The following SCARB1 variants were observed in gnomAD, a reference collection of about 807,000 sequenced individuals.
The protein encoded by SCARB1 is CD36 and LIMPII analogous 1.
Under a neutral mutation model 57.2 loss-of-function variants are expected in SCARB1, and 30 were observed. The ratio of observed to expected loss-of-function variants is 0.52; its 90% CI spans 0.39 to 0.71. The LOEUF is 0.71. Ranked by LOEUF, SCARB1 falls within the 30% of genes least tolerant of loss-of-function variation. SCARB1 has a pLI of 0.00. For synonymous variants in SCARB1, 249 were observed against 268.3 expected, an observed-to-expected ratio of 0.93 and a Z score of 0.70; for missense variants, 543 against 671.2, an observed-to-expected ratio of 0.81 and a Z score of 2.11.
intron 1 of SCARB1, among the ~76,000 whole-genome samples, chr12:124,827,182 T>C (rs1951194109): frequency 6.6e-6 from 1 of 152,104 alleles, no homozygotes; most frequent in South Asian, 2.1e-4. Flanking sequence ...GCCGGGAGCA[T>C]CGGCAGACTC....
chr12:124,844,572 C>A (rs1952060980), intron 1 of SCARB1, among the ~76,000 whole-genome samples: 1 of 151,922 alleles, frequency 6.6e-6, no homozygotes, highest in African/African-American at 2.4e-5. Context: ...TAAATGAGGT[C>A]AGTGGGGTGA....
chr12:124,849,028 A>G lies in SCARB1; in HGVS notation c.126+14567T>C, dbSNP rs188618193. Among the ~76,000 whole-genome samples, 14 of 152,360 alleles carry G rather than the reference A, an allele frequency of 9.2e-5. No individual in the cohort carries two copies. The East Asian group carries it at 2.1e-3, about 23-fold the overall frequency. On this transcript the variant is annotated intron_variant, in intron 1 of 12. Coordinates refer to ENST00000261693, the MANE Select transcript of SCARB1 (RefSeq NM_005505.5). ...TTCTGCCACCTTAAAAGCCCTATGTAGGAGACACTTTTATTAACTTCATTT... is the reference window on the plus strand; with the variant it reads ...TTCTGCCACCTTAAAAGCCCTATGTGGGAGACACTTTTATTAACTTCATTT...
chr12:124,826,815 G>A (rs990115294), intron 1 of SCARB1, among the ~76,000 whole-genome samples: 8 of 152,030 alleles, frequency 5.3e-5, no homozygotes, highest in Non-Finnish European at 8.8e-5. Flanking sequence ...GCTAAAGAAA[G>A]AAACAATTGA....
chr12:124,821,256 ACACG>A (rs1017386069), intron 1 of SCARB1: 7 of 278,888 alleles, frequency 2.5e-5, no homozygotes, highest in Non-Finnish European at 3.7e-5. Context: ...ACACACACAC[ACACG>A]CACACACACG....
intron 1 of SCARB1, among the ~76,000 whole-genome samples, chr12:124,857,918 C>G (rs1223814993): frequency 6.6e-6 from 1 of 152,198 alleles, no homozygotes; most frequent in Non-Finnish European, 1.5e-5. Context: ...ATGACCCCTT[C>G]CCTGCAGCCC....
intron 1 of SCARB1, among the ~76,000 whole-genome samples, chr12:124,818,063 A>G (rs997011993): frequency 1.7e-4 from 26 of 152,190 alleles, no homozygotes; most frequent in African/African-American, 6.0e-4. Context: ...ATGCAGGAAC[A>G]TGGGCTCCGT....
At position 124,800,058 on chromosome 12, in the gene SCARB1, A is replaced by G. The variant is rs561817741; in HGVS notation, c.1128+66T>C. On this transcript the variant is annotated intron_variant, in intron 8 of 12. Transcript: ENST00000261693. This position sits in a 1 kb window ranked among gnomAD's most constrained non-coding sequence, Gnocchi z 4.8. Reference sequence around the variant, plus strand: ...ACAGCAGCTCTCTGCCTGGGGAGAGAGGAGGCAGCCAGGTGTGCTCCAACC... The same window carrying G: ...ACAGCAGCTCTCTGCCTGGGGAGAGGGGAGGCAGCCAGGTGTGCTCCAACC... 8.3e-6 allele frequency: 10 copies of G among 1,199,704 alleles called. No homozygotes were observed. The African/African-American group carries it at 1.1e-4, about 13-fold the overall frequency. The allele number at this position is 1,199,704 out of a possible 1,614,324, so 74.3% of individuals were successfully genotyped here. A position where few individuals can be genotyped will look rare whatever the true frequency, so the allele number is the denominator to read the frequency against.
intron 1 of SCARB1, among the ~76,000 whole-genome samples, chr12:124,826,280 G>A (rs961727152): frequency 1.0e-4 from 15 of 147,268 alleles, no homozygotes; most frequent in African/African-American, 3.0e-4. Context: ...GCAGTGAACC[G>A]TGATCACCCC....
At chr12:124,809,096 G>A (rs1335041587) in intron 6 of SCARB1, among the ~76,000 whole-genome samples, 1 of 151,896 alleles carries the variant, frequency 6.6e-6, no homozygotes, top group African/African-American at 2.4e-5. Context: ...AAATGTCCTC[G>A]TTTCTGAAAA....
chr12:124,801,737 T>C (rs1415559466), intron 7 of SCARB1, among the ~76,000 whole-genome samples: 2 of 150,824 alleles, frequency 1.3e-5, no homozygotes, highest in Admixed American at 1.3e-4. Context: ...TGCAGGGAGC[T>C]GAAATCGCAT....
Position 124,786,479 on chromosome 12 carries a change from G to T in SCARB1, c.1279C>A (p.Leu427Ile). 2 of 1,614,076 alleles carry T rather than the reference G, an allele frequency of 1.2e-6. No individual in the cohort carries two copies. The highest frequency in any genetic ancestry group is 1.1e-5 in the South Asian group (1 of 91,084). Residue 427 changes from leucine (L) to isoleucine (I), a missense_variant, in exon 11 of 13, where the codon CTT becomes ATT. Transcript: ENST00000261693. ...AESGAMEGET[L>I]HTFYTQLVLM... ...ACCAGCTGAGTGTAGAATGTGTGAAGAGTCTCCCCCTCCATGGCCCCGCTC... is the reference window on the plus strand; with the variant it reads ...ACCAGCTGAGTGTAGAATGTGTGAATAGTCTCCCCCTCCATGGCCCCGCTC...
intron 11 of SCARB1, 61 bp from the exon 12 acceptor site, chr12:124,782,872 C>T (rs1297049135): frequency 3.1e-5 from 49 of 1,583,786 alleles, no homozygotes; most frequent in East Asian, 4.5e-5. Context: ...TGGTTTTACA[C>T]GGTTCTTCAA....
chr12:124,825,663 C>T (rs958473075), intron 1 of SCARB1, among the ~76,000 whole-genome samples: 2 of 152,094 alleles, frequency 1.3e-5, no homozygotes, highest in Admixed American at 6.5e-5. Context: ...AGAGCGAGAC[C>T]CTGCCTTGAA....
chr12:124,863,541 A>G, intron 1 of SCARB1, 54 bp downstream of exon 1: 1 of 1,571,260 alleles, frequency 6.4e-7, no homozygotes, highest in South Asian at 1.2e-5. Flanking sequence ...CCCGGCGCCC[A>G]GCGCCCAACA....
rs1313852803 is a variant in SCARB1 at position 124,800,226 on chromosome 12, G to A, written c.1026C>T (p.Leu342=). The change falls in exon 8 of 13, where the codon CTC becomes CTT. Residue 342 remains leucine (L), a synonymous_variant. Coordinates refer to ENST00000261693, the MANE Select transcript of SCARB1 (RefSeq NM_005505.5). The surrounding 1 kb of genome is among the most constrained non-coding windows in gnomAD (Gnocchi z 4.8). ...STCRFSAPLF[L]SHPHFLNADP... ...CAGCGTTGAGGAAGTGAGGATGGGAGAGAAACAAGGGGGCACCTAGAAGAG... is the reference window on the plus strand; with the variant it reads ...CAGCGTTGAGGAAGTGAGGATGGGAAAGAAACAAGGGGGCACCTAGAAGAG... The A allele has an allele frequency of 1.9e-6, 3 of 1,612,996 alleles. No homozygotes were observed. The highest frequency in any genetic ancestry group is 2.5e-6 in the Non-Finnish European group (3 of 1,179,110).
At chr12:124,801,611 C>T (rs1260592271) in intron 7 of SCARB1, among the ~76,000 whole-genome samples, 5 of 151,868 alleles carry the variant, frequency 3.3e-5, no homozygotes, top group African/African-American at 4.8e-5. Context: ...GGTGAGACCC[C>T]GTCTCTACTA....
chr12:124,836,972 G>T (rs1594347317), intron 1 of SCARB1, among the ~76,000 whole-genome samples: 1 of 152,138 alleles, frequency 6.6e-6, no homozygotes, highest in Non-Finnish European at 1.5e-5. Flanking sequence ...CTTGGTAAAG[G>T]CCCAGCACAG....
rs193294154 is a variant in SCARB1, at chr12:124,803,100, G to A, written c.1010-2858C>T. Among the ~76,000 whole-genome samples, 965 of 152,306 alleles carry A rather than the reference G, an allele frequency of 6.3e-3. 11 individuals carry two copies. Among genetic ancestry groups the A allele is most frequent in the African/African-American group, 0.022 (929 of 41,558 alleles). ...TGCACCAGGGTGCTAAGGGGTGCACGGACCAGAAAAGGAGGAAAAGGAGTC... is the reference window on the plus strand; with the variant it reads ...TGCACCAGGGTGCTAAGGGGTGCACAGACCAGAAAAGGAGGAAAAGGAGTC... On this transcript the variant is annotated intron_variant, in intron 7 of 12. Coordinates refer to ENST00000261693, the MANE Select transcript of SCARB1 (RefSeq NM_005505.5).
Position 124,796,425 on chromosome 12 carries a change from C to A in SCARB1, c.1129-1157G>T, listed in dbSNP as rs566093968. Among the ~76,000 whole-genome samples the A allele has an allele frequency of 6.6e-6, 1 of 152,016 alleles. No homozygotes were observed. The highest frequency in any genetic ancestry group is 1.5e-5 in the Non-Finnish European group (1 of 68,012). ...AGACTTTTTTTTTTAAGTAAATAACCGAAGTGACACACATGTGTCATCAAA... is the reference window on the plus strand; with the variant it reads ...AGACTTTTTTTTTTAAGTAAATAACAGAAGTGACACACATGTGTCATCAAA... On this transcript the variant is annotated intron_variant, in intron 8 of 12. Coordinates refer to ENST00000261693, the MANE Select transcript of SCARB1 (RefSeq NM_005505.5). The surrounding 1 kb of genome is among the most constrained non-coding windows in gnomAD (Gnocchi z 4.0).
Sources: gnomAD v4.1 joint callset for allele counts (sites outside exome capture counted in the v4.1 genomes callset) on GRCh38, gnomAD v4.1.1 for gene constraint, Gnocchi (gnomAD v3.1) non-coding constraint, MANE v1.5 for transcripts, NCBI Gene and HGNC (gene_info 2026-07-23, HGNC 2026-07-21) for gene names.